Variants in RABGAP1L observed in about 807,000 individuals in gnomAD.
RABGAP1L encodes the protein rab GTPase-activating protein 1-like.
In RABGAP1L, 63 loss-of-function variants were observed where a neutral mutation model predicts 137.7. The ratio of observed to expected loss-of-function variants is 0.46; its 90% CI spans 0.37 to 0.56. The LOEUF is 0.56. Among genes scored for constraint, RABGAP1L ranks in the 20% least tolerant of loss-of-function variants. RABGAP1L has a pLI of 0.00. For missense variants in RABGAP1L, 1,095 were observed against 1,244.0 expected, an observed-to-expected ratio of 0.88 and a Z score of 1.80; for synonymous variants, 431 against 433.7, an observed-to-expected ratio of 0.99 and a Z score of 0.08.
intron 13 of RABGAP1L, among the ~76,000 whole-genome samples, chr1:174,398,513 C>G (rs1648157460): frequency 6.6e-6 from 1 of 152,010 alleles, no homozygotes; most frequent in African/African-American, 2.4e-5. Flanking sequence ...AATAACAATC[C>G]TGTTATTCAG....
intron 18 of RABGAP1L, among the ~76,000 whole-genome samples, chr1:174,804,332 G>A (rs1422056267): frequency 6.8e-6 from 1 of 147,570 alleles, no homozygotes; most frequent in Non-Finnish European, 1.5e-5. Flanking sequence ...GTGCAGTGGT[G>A]TGATTTTGGC....
intron 13 of RABGAP1L, among the ~76,000 whole-genome samples, chr1:174,620,709 A>G (rs568585368): frequency 1.2e-4 from 18 of 152,310 alleles, no homozygotes; most frequent in Admixed American, 3.9e-4. Flanking sequence ...ACACCCTAAC[A>G]TCACAATTAA....
At chr1:174,186,175 T>G (rs907218945) in intron 1 of RABGAP1L, among the ~76,000 whole-genome samples, 6 of 152,258 alleles carry the variant, frequency 3.9e-5, no homozygotes, top group African/African-American at 1.4e-4. Context: ...TCTTAAAAAT[T>G]TTCTTTTAAT....
intron 13 of RABGAP1L, among the ~76,000 whole-genome samples, chr1:174,547,029 CAAAAAAAAAA>C (rs375413887): frequency 1.5e-4 from 12 of 78,244 alleles, no homozygotes; most frequent in Admixed American, 9.6e-4. Context: ...GACTCTGTCT[CAAAAAAAAAA>C]AAAAAAAAAA....
chr1:174,665,533 G>A (rs1000991514), intron 14 of RABGAP1L, among the ~76,000 whole-genome samples: 6 of 136,392 alleles, frequency 4.4e-5, no homozygotes, highest in East Asian at 2.6e-4. Context: ...TCAGCTCACC[G>A]TAACCTCTGC....
intron 11 of RABGAP1L, among the ~76,000 whole-genome samples, chr1:174,366,731 T>A (rs761712580): frequency 8.5e-4 from 115 of 135,530 alleles, no homozygotes; most frequent in Admixed American, 1.6e-3. Context: ...GCCGAGATGG[T>A]GCCACTGCAC....
intron 19 of RABGAP1L, among the ~76,000 whole-genome samples, chr1:174,911,085 T>C (rs1558222623): frequency 6.6e-6 from 1 of 152,218 alleles, no homozygotes; most frequent in Non-Finnish European, 1.5e-5. Context: ...ATTAGCCATT[T>C]GTATATCTTC....
chr1:174,425,658 C>T (rs1173121034), intron 13 of RABGAP1L, among the ~76,000 whole-genome samples: 1 of 151,952 alleles, frequency 6.6e-6, no homozygotes, highest in Non-Finnish European at 1.5e-5. Context: ...GTCTCACTGT[C>T]TTGTCTGTTA....
chr1:174,686,304 GT>G (rs1193330169), intron 15 of RABGAP1L, among the ~76,000 whole-genome samples: 1 of 152,016 alleles, frequency 6.6e-6, no homozygotes, highest in Non-Finnish European at 1.5e-5. Flanking sequence ...GAGGTTGATG[GT>G]TTTTTTCCCT....
chr1:174,285,287 G>A (rs1430993557), intron 10 of RABGAP1L, among the ~76,000 whole-genome samples: 1 of 152,130 alleles, frequency 6.6e-6, no homozygotes, highest in Non-Finnish European at 1.5e-5. Flanking sequence ...AAAGTGCTAG[G>A]ATTACCGGCA....
At chr1:174,871,133 T>C (rs1040496106) in intron 19 of RABGAP1L, among the ~76,000 whole-genome samples, 1 of 151,806 alleles carries the variant, frequency 6.6e-6, no homozygotes, top group Non-Finnish European at 1.5e-5. Context: ...TTATAAGCAT[T>C]TAGTAAATGT....
At chr1:174,513,457 A>T (rs1662533193) in intron 13 of RABGAP1L, among the ~76,000 whole-genome samples, 1 of 151,118 alleles carries the variant, frequency 6.6e-6, no homozygotes, top group African/African-American at 2.4e-5. Context: ...AAATTAAAAT[A>T]AAAAAAAATA....
intron 15 of RABGAP1L, among the ~76,000 whole-genome samples, chr1:174,689,754 G>A (rs889136500): frequency 6.6e-6 from 1 of 152,062 alleles, no homozygotes; most frequent in Non-Finnish European, 1.5e-5. Flanking sequence ...GGTTGGGTAG[G>A]GCATTCTAAT....
At chr1:174,680,673 A>G (rs1407552782) in intron 14 of RABGAP1L, among the ~76,000 whole-genome samples, 2 of 152,122 alleles carry the variant, frequency 1.3e-5, no homozygotes, top group Non-Finnish European at 2.9e-5. Context: ...AGGTGGGCGG[A>G]TCACTTGAGC....
chr1:174,488,945 G>A (rs1232944468), intron 13 of RABGAP1L, among the ~76,000 whole-genome samples: 1 of 119,168 alleles, frequency 8.4e-6, no homozygotes, highest in Non-Finnish European at 1.6e-5. Context: ...GTCCCAGTGT[G>A]TGATGTTCCC....
At chr1:174,220,769 G>A in intron 2 of RABGAP1L, 1 of 383,604 alleles carries the variant, frequency 2.6e-6, no homozygotes, top group Non-Finnish European at 4.5e-6. Context: ...GAATCCTTTT[G>A]TGAAACTAAT....
chr1:174,496,904 C>T (rs1443827005), intron 13 of RABGAP1L, among the ~76,000 whole-genome samples: 1 of 152,176 alleles, frequency 6.6e-6, no homozygotes, highest in Non-Finnish European at 1.5e-5. Context: ...CCACACCCAT[C>T]ACTATTAGAG....
chr1:174,556,150 A>G (rs1033153264), intron 13 of RABGAP1L, among the ~76,000 whole-genome samples: 1 of 151,984 alleles, frequency 6.6e-6, no homozygotes, highest in Admixed American at 6.5e-5. Context: ...GGTGCCCGCC[A>G]CTGTGCCCGG....
At chr1:174,880,611 A>G (rs1293408502) in intron 19 of RABGAP1L, among the ~76,000 whole-genome samples, 2 of 142,122 alleles carry the variant, frequency 1.4e-5, no homozygotes, top group Admixed American at 7.2e-5. Context: ...CTTTTTTGAG[A>G]CAAGGTCTCA....
Sources: gnomAD v4.1 joint callset for allele counts (sites outside exome capture counted in the v4.1 genomes callset) on GRCh38, gnomAD v4.1.1 for gene constraint, MANE v1.5 for transcripts, NCBI Gene and HGNC (gene_info 2026-07-23, HGNC 2026-07-21) for gene names.